Variants in RCC1L observed in about 807,000 individuals in gnomAD.
RCC1L encodes the protein RCC1 like.
Under a neutral mutation model 58.6 loss-of-function variants are expected in RCC1L, and 46 were observed. That is an observed-to-expected ratio of 0.79 (90% CI 0.62 to 1.00). RCC1L has a LOEUF of 1.00. Among genes scored for constraint, RCC1L ranks in the 50% least tolerant of loss-of-function variants. The pLI is 0.00. For synonymous variants in RCC1L, 281 were observed against 262.9 expected, an observed-to-expected ratio of 1.07 and a Z score of -0.67; for missense variants, 636 against 623.6, an observed-to-expected ratio of 1.02 and a Z score of -0.21.
At chr7:75,064,553 G>T in intron 4 of RCC1L, 29 bp downstream of exon 4, 1 of 1,612,348 alleles carries the variant, frequency 6.2e-7, no homozygotes, top group African/African-American at 1.3e-5. Flanking sequence ...AACTCAACAT[G>T]GGGAAGGGTA....
chr7:75,070,103 A>G (rs782498307), intron 2 of RCC1L, among the ~76,000 whole-genome samples: 4 of 152,182 alleles, frequency 2.6e-5, no homozygotes, highest in Non-Finnish European at 4.4e-5. Flanking sequence ...TTAGGCCACA[A>G]AAGAACATCT....
intron 2 of RCC1L, among the ~76,000 whole-genome samples, chr7:75,068,665 G>A (rs1554445583): frequency 6.6e-6 from 1 of 151,820 alleles, no homozygotes; most frequent in Non-Finnish European, 1.5e-5. Context: ...CAGCCTGGGC[G>A]ACAGCAAGAC....
intron 10 of RCC1L, among the ~76,000 whole-genome samples, chr7:75,048,506 C>T (rs1187631874): frequency 1.3e-5 from 2 of 152,240 alleles, no homozygotes; most frequent in Non-Finnish European, 2.9e-5. Context: ...TCCTGACTTC[C>T]GTGTCCCCGT....
Position 75,042,231 on chromosome 7 carries a change from A to G in RCC1L, c.*801T>C. On this transcript the variant is annotated 3_prime_UTR_variant, in exon 11 of 11. Coordinates refer to ENST00000610322, the MANE Select transcript of RCC1L (RefSeq NM_030798.5). Reference sequence around the variant, plus strand: ...AGACTTTATTCCAAGACAGATTTGTAAAAGATGTTTTTAAAGGGAAAGGCA... The same window carrying G: ...AGACTTTATTCCAAGACAGATTTGTGAAAGATGTTTTTAAAGGGAAAGGCA... 1 of 985,476 alleles carries G rather than the reference A, an allele frequency of 1.0e-6. No individual in the cohort carries two copies. Among genetic ancestry groups the G allele is most frequent in the Non-Finnish European group, 1.2e-6 (1 of 829,938 alleles). The allele number at this position is 985,476 out of a possible 1,614,324, so 61.0% of individuals were successfully genotyped here.
At chr7:75,029,282 TGA>T (rs1805230563) in intron 10 of RCC1L, among the ~76,000 whole-genome samples, 2 of 151,680 alleles carry the variant, frequency 1.3e-5, no homozygotes, top group Admixed American at 6.6e-5. Flanking sequence ...CTGGATGTGG[TGA>T]CAACCAGGGC....
chr7:75,058,591 T>C lies in RCC1L; in HGVS notation c.966A>G (p.Thr322=). 1 of 1,603,332 alleles carries C rather than the reference T, an allele frequency of 6.2e-7. No individual in the cohort carries two copies. The highest frequency in any genetic ancestry group is 8.5e-7 in the Non-Finnish European group (1 of 1,174,222). The change falls in exon 7 of 11, where the codon ACA becomes ACG. Residue 322 remains threonine, a synonymous_variant. Coordinates refer to ENST00000610322, the MANE Select transcript of RCC1L (RefSeq NM_030798.5). The part of the protein sequence containing the change: ...YLQLASVTDS[T]QVNVPRCLHF... ...CACGCTGTCGGCGACTGCATACCTGTGTGGAGTCAGTGACAGAGGCCAGCT... is the reference window on the plus strand; with the variant it reads ...CACGCTGTCGGCGACTGCATACCTGCGTGGAGTCAGTGACAGAGGCCAGCT...
chr7:75,056,399 A>C, intron 8 of RCC1L: 1 of 975,180 alleles, frequency 1.0e-6, no homozygotes, highest in Non-Finnish European at 1.5e-6. Context: ...TACGAATACC[A>C]GAGAATTGGA....
chr7:75,027,710 G>A (rs903034536), exon 11 of RCC1L: 3 of 390,354 alleles, frequency 7.7e-6, no homozygotes, highest in Non-Finnish European at 1.4e-5. Flanking sequence ...GCCCCCTGGG[G>A]ACCCTGCTCC....
chr7:75,065,879 G>A (rs1486499032), intron 3 of RCC1L, among the ~76,000 whole-genome samples: 5 of 151,526 alleles, frequency 3.3e-5, no homozygotes, highest in Admixed American at 2.0e-4. Context: ...TTAGCCAGGC[G>A]TGGTGGCAGG....
At chr7:75,072,149 C>CATATAT (rs1373236031) in intron 1 of RCC1L, among the ~76,000 whole-genome samples, 5 of 35,898 alleles carry the variant, frequency 1.4e-4, no homozygotes, top group Non-Finnish European at 1.3e-4. Flanking sequence ...TATACATATA[C>CATATAT]ATATACATAT....
chr7:75,032,617 C>T (rs1253636180), intron 10 of RCC1L, among the ~76,000 whole-genome samples: 1 of 152,164 alleles, frequency 6.6e-6, no homozygotes, highest in Non-Finnish European at 1.5e-5. Flanking sequence ...CCATCCCAAC[C>T]CTGCCTCACC....
At chr7:75,070,847 C>A in intron 1 of RCC1L, 78 bp from the exon 2 acceptor site, 8 of 1,565,836 alleles carry the variant, frequency 5.1e-6, no homozygotes, top group Admixed American at 1.8e-5. Flanking sequence ...GGTTATTTAT[C>A]AAATCCAAGA....
chr7:75,043,602 G>T (rs1451342310), intron 10 of RCC1L, among the ~76,000 whole-genome samples: 1 of 152,182 alleles, frequency 6.6e-6, no homozygotes, highest in Admixed American at 6.5e-5. Context: ...TGTAGCTCAC[G>T]CCCATAATCT....
rs999123205 is a variant in RCC1L at position 75,043,082 on chromosome 7, C to G, written c.1345G>C (p.Val449Leu). The G allele has an allele frequency of 3.7e-5, 59 of 1,613,918 alleles. No individual in the cohort carries two copies. Among genetic ancestry groups the G allele is most frequent in the Admixed American group, 5.0e-5 (3 of 59,998 alleles). The part of the protein sequence containing the change: ...RVTMPGEPVD[V>L]ACGVDHMVTL... ...ACCATGTGGTCCACGCCACATGCCA[C>G]GTCCACAGGCTCCCCAGGCATCGTC... Residue 449 changes from valine (V) to leucine (L), a missense_variant, in exon 11 of 11, where the codon GTG (valine) becomes CTG (leucine). Transcript: ENST00000610322.
At chr7:75,062,893 G>A (rs1408318493) in intron 5 of RCC1L, among the ~76,000 whole-genome samples, 2 of 152,162 alleles carry the variant, frequency 1.3e-5, no homozygotes, top group African/African-American at 4.8e-5. Flanking sequence ...CCACCTCCCA[G>A]GTTCAAGCAA....
intron 1 of RCC1L, among the ~76,000 whole-genome samples, chr7:75,071,390 A>C (rs1190451693): frequency 6.6e-6 from 1 of 152,080 alleles, no homozygotes; most frequent in African/African-American, 2.4e-5. Context: ...CACACCTGTA[A>C]TCCCAGCACT....
intron 4 of RCC1L, among the ~76,000 whole-genome samples, chr7:75,063,774 G>T (rs1246921176): frequency 1.3e-5 from 2 of 151,938 alleles, no homozygotes; most frequent in East Asian, 3.9e-4. Context: ...CAAAAAATTA[G>T]CCAAGTGCGG....
intron 10 of RCC1L, among the ~76,000 whole-genome samples, chr7:75,048,403 G>C (rs1003128335): frequency 6.6e-6 from 1 of 152,162 alleles, no homozygotes; most frequent in African/African-American, 2.4e-5. Context: ...CAGGGCCCAC[G>C]GGGAGGGGAA....
downstream of RCC1L, among the ~76,000 whole-genome samples, chr7:75,041,836 C>G (rs1805575729): frequency 6.7e-6 from 1 of 148,608 alleles, no homozygotes; most frequent in Non-Finnish European, 1.5e-5. Flanking sequence ...TGCACTCCAG[C>G]CTGGGCAACA....
Sources: allele counts gnomAD v4.1 joint callset (sites outside exome capture counted in the v4.1 genomes callset), GRCh38; gene constraint gnomAD v4.1.1; transcripts MANE v1.5; gene names NCBI Gene and HGNC (gene_info 2026-07-23, HGNC 2026-07-21).